Variants in LONP2 observed in about 807,000 individuals in gnomAD.
The protein encoded by LONP2 is lon peptidase 2, peroxisomal.
LONP2 carries 60 observed loss-of-function variants against 85.6 expected under a neutral mutation model. The ratio of observed to expected loss-of-function variants is 0.70; its 90% CI spans 0.57 to 0.87. The LOEUF is 0.87. Among genes scored for constraint, LONP2 ranks in the 40% least tolerant of loss-of-function variants. The probability of loss-of-function intolerance (pLI) is 0.00; values close to 1 mark genes in which losing one functional copy is unlikely to be tolerated. For synonymous variants in LONP2, 395 were observed against 389.7 expected (o/e 1.01, Z -0.16); for missense variants, 860 against 1,063.5 (o/e 0.81, Z 2.66).
chr16:48,265,659 G>A (rs1410789860), intron 6 of LONP2, among the ~76,000 whole-genome samples: 2 of 152,156 alleles, frequency 1.3e-5, no homozygotes, highest in Non-Finnish European at 2.9e-5. Flanking sequence ...AAAGTCTGGT[G>A]CCTCCACGTT....
Position 48,340,384 on chromosome 16 carries a change from C to G in LONP2, c.1938+6026C>G, listed in dbSNP as rs147917905. ...CTAATTTCTGCAACTACCATACTCC[C>G]TAAAAACAGAGACCTACCCCCAATC... On this transcript the variant is annotated intron_variant, in intron 12 of 14. Coordinates refer to ENST00000285737, the MANE Select transcript of LONP2 (RefSeq NM_031490.5). 2.4e-3 allele frequency among the ~76,000 whole-genome samples: 368 copies of G among 152,290 alleles called. 4 individuals carry two copies. The highest frequency in any genetic ancestry group is 8.6e-3 in the African/African-American group (359 of 41,548).
downstream of LONP2, chr16:48,360,659 T>C (rs752902625): frequency 1.3e-5 from 2 of 152,658 alleles, no homozygotes; most frequent in Non-Finnish European, 2.9e-5. Context: ...TGCCTTCTTC[T>C]GCAAAACCAA....
chr16:48,346,560 G>C (rs1037036493), intron 12 of LONP2, among the ~76,000 whole-genome samples: 1 of 152,108 alleles, frequency 6.6e-6, no homozygotes, highest in Non-Finnish European at 1.5e-5. Flanking sequence ...AATAGAGAAA[G>C]TTAAAGGTAA....
At chr16:48,253,198 G>A (rs1010411022) in intron 2 of LONP2, among the ~76,000 whole-genome samples, 5 of 152,094 alleles carry the variant, frequency 3.3e-5, no homozygotes, top group Non-Finnish European at 7.4e-5. Context: ...GGCCAGGTGC[G>A]CTGGTGCACA....
intron 11 of LONP2, among the ~76,000 whole-genome samples, chr16:48,310,517 A>G (rs1425636591): frequency 6.6e-6 from 1 of 151,890 alleles, no homozygotes; most frequent in Non-Finnish European, 1.5e-5. Context: ...ATGCCTGGCT[A>G]ATTTTTGTAT....
intron 12 of LONP2, chr16:48,345,165 AG>A (rs1174558429): frequency 6.6e-6 from 1 of 152,470 alleles, no homozygotes; most frequent in East Asian, 1.9e-4. Flanking sequence ...GGTTGCAGTG[AG>A]CTGAGATCAT....
chr16:48,351,973 T>C lies in LONP2; in HGVS notation c.*171T>C. On this transcript the variant is annotated 3_prime_UTR_variant, in exon 15 of 15. Coordinates refer to ENST00000285737, the MANE Select transcript of LONP2 (RefSeq NM_031490.5). ...TAGTGTTTAGTATAGAAATATAAGATGTTGATTTAGTAAACTGATAAAAAT... is the reference window on the plus strand; with the variant it reads ...TAGTGTTTAGTATAGAAATATAAGACGTTGATTTAGTAAACTGATAAAAAT... The C allele has an allele frequency of 4.9e-6, 3 of 606,528 alleles. No homozygotes were observed. The highest frequency in any genetic ancestry group is 8.7e-6 in the Non-Finnish European group (3 of 346,572). 37.6% of individuals were successfully genotyped at this position (606,528 alleles called of 1,614,324 possible). A position where few individuals can be genotyped will look rare whatever the true frequency, so the allele number is the denominator to read the frequency against.
At chr16:48,258,398 C>G (rs1971807639) in intron 3 of LONP2, among the ~76,000 whole-genome samples, 1 of 151,522 alleles carries the variant, frequency 6.6e-6, no homozygotes, top group Non-Finnish European at 1.5e-5. Context: ...AGTGAAAAAC[C>G]AAGATCCTGT....
intron 11 of LONP2, among the ~76,000 whole-genome samples, chr16:48,304,230 A>G (rs1053446164): frequency 6.6e-6 from 1 of 152,250 alleles, no homozygotes; most frequent in Non-Finnish European, 1.5e-5. Flanking sequence ...CATGCTGTTC[A>G]GGTACTGCAA....
At chr16:48,337,271 T>C (rs569904625) in intron 12 of LONP2, among the ~76,000 whole-genome samples, 225 of 152,326 alleles carry the variant, frequency 1.5e-3, no homozygotes, top group African/African-American at 5.1e-3. Flanking sequence ...GGCAGTGATG[T>C]ATGAGAGTTT....
At chr16:48,272,755 T>A (rs940863507) in intron 7 of LONP2, among the ~76,000 whole-genome samples, 1 of 152,200 alleles carries the variant, frequency 6.6e-6, no homozygotes, top group Non-Finnish European at 1.5e-5. Context: ...GATTAACTAC[T>A]ATAGCAACCT....
chr16:48,270,141 A>G lies in LONP2; in HGVS notation c.1108A>G (p.Ile370Val). The change falls in exon 7 of 15, where the codon ATC becomes GTC. Residue 370 changes from isoleucine to valine, a missense_variant. Coordinates refer to ENST00000285737, the MANE Select transcript of LONP2 (RefSeq NM_031490.5). ...RQLKNNLKGP[I>V]LCFVGPPGVG... is the part of the protein sequence containing the mutation. Reference sequence around the variant, plus strand: ...GCTCAAAAATAACCTGAAGGGCCCAATCCTATGCTTTGTTGGCCCTCCTGG... The same window carrying G: ...GCTCAAAAATAACCTGAAGGGCCCAGTCCTATGCTTTGTTGGCCCTCCTGG... 6.2e-7 allele frequency: 1 copy of G among 1,614,004 alleles called. No individual in the cohort carries two copies. The highest frequency in any genetic ancestry group is 8.5e-7 in the Non-Finnish European group (1 of 1,179,970).
intron 6 of LONP2, among the ~76,000 whole-genome samples, chr16:48,269,204 T>TC (rs1972052597): frequency 6.6e-6 from 1 of 151,462 alleles, no homozygotes; most frequent in Non-Finnish European, 1.5e-5. Context: ...TCATCTGTTT[T>TC]TTTTTTTTTT....
chr16:48,245,533 T>C (rs890523713), intron 1 of LONP2, among the ~76,000 whole-genome samples: 1 of 152,184 alleles, frequency 6.6e-6, no homozygotes, highest in Non-Finnish European at 1.5e-5. Context: ...ATTGAGATGA[T>C]AGAATTGCCA....
chr16:48,330,182 C>G (rs1425409205), intron 11 of LONP2, among the ~76,000 whole-genome samples: 1 of 152,186 alleles, frequency 6.6e-6, no homozygotes, highest in Admixed American at 6.5e-5. Context: ...ATTTGAATTT[C>G]TTTGCTTCTC....
chr16:48,248,885 G>GAAA, intron 1 of LONP2, among the ~76,000 whole-genome samples: 1 of 91,418 alleles, frequency 1.1e-5, no homozygotes, highest in Non-Finnish European at 2.3e-5. Context: ...CTGTCTATAG[G>GAAA]AAAAAAAAAA....
rs1235616082 is a variant in LONP2 at position 48,354,088 on chromosome 16, T to TG, written c.*2292dup. ...CTGGGTTTTTTTTTTTTGGGGGGGG[T>TG]GGGGGGTTAGGGGTGGGGCGGGTGG... On this transcript the variant is annotated 3_prime_UTR_variant, in exon 15 of 15. Coordinates refer to ENST00000285737, the MANE Select transcript of LONP2 (RefSeq NM_031490.5). 4.9e-5 allele frequency: 1 copy of TG among 20,432 alleles called. No homozygotes were observed. Among genetic ancestry groups the TG allele is most frequent in the Non-Finnish European group, 8.1e-5 (1 of 12,318 alleles). The allele number at this position is 20,432 out of a possible 1,614,324, so 1.3% of individuals were successfully genotyped here. A position where few individuals can be genotyped will look rare whatever the true frequency, so the allele number is the denominator to read the frequency against.
chr16:48,303,327 T>C lies in LONP2; in HGVS notation c.1795+22T>C, dbSNP rs779024798. 8 of 1,608,886 alleles carry C rather than the reference T, an allele frequency of 5.0e-6. No homozygotes were observed. The African/African-American group carries it at 1.1e-4, about 22-fold the overall frequency. ...GAAGGTTGGTGACCTTGTTCTGGCA[T>C]TCTCAGGCCTGGTGGCTAGGAGTGA... On this transcript the variant is annotated intron_variant, in intron 11 of 14. Transcript: ENST00000285737.
chr16:48,307,878 A>G (rs747258841), intron 11 of LONP2, among the ~76,000 whole-genome samples: 2 of 152,216 alleles, frequency 1.3e-5, no homozygotes, highest in Non-Finnish European at 2.9e-5. Flanking sequence ...CTAGCTTATA[A>G]GGTGAGACCT....
Sources: gnomAD v4.1 joint callset for allele counts (sites outside exome capture counted in the v4.1 genomes callset) on GRCh38, gnomAD v4.1.1 for gene constraint, MANE v1.5 for transcripts, NCBI Gene and HGNC (gene_info 2026-07-23, HGNC 2026-07-21) for gene names.